Variants in PTPRB observed in about 807,000 individuals in gnomAD.
PTPRB encodes the protein receptor-type tyrosine-protein phosphatase beta.
A neutral mutation model predicts 238.1 loss-of-function variants in PTPRB; 97 were observed. The ratio of observed to expected loss-of-function variants is 0.41; its 90% CI spans 0.35 to 0.48. The LOEUF (loss-of-function observed/expected upper bound fraction) is 0.48, where lower values mean the gene tolerates loss of function less well. PTPRB is among the 20% of genes least tolerant of loss of function. The probability of loss-of-function intolerance (pLI) is 0.30; values close to 1 mark genes in which losing one functional copy is unlikely to be tolerated. For synonymous variants in PTPRB, 970 were observed against 995.4 expected (o/e 0.97, Z 0.48); for missense variants, 2,292 against 2,681.9 (o/e 0.85, Z 3.21).
intron 4 of PTPRB, among the ~76,000 whole-genome samples, chr12:70,600,665 GT>G (rs902632065): frequency 1.3e-5 from 2 of 151,792 alleles, no homozygotes; most frequent in African/African-American, 4.8e-5. Flanking sequence ...CCTTCATTTT[GT>G]GTTGGATTAC....
chr12:70,538,753 C>T, intron 27 of PTPRB, 171 bp downstream of exon 27: 1 of 616,754 alleles, frequency 1.6e-6, no homozygotes. Context: ...GCTATTATCC[C>T]TCTGGAGGGA....
At chr12:70,570,460 C>T (rs1350600204) in intron 13 of PTPRB, among the ~76,000 whole-genome samples, 1 of 152,108 alleles carries the variant, frequency 6.6e-6, no homozygotes, top group African/African-American at 2.4e-5. Flanking sequence ...GATTCTCCCA[C>T]CTCAGCCTCC....
intron 9 of PTPRB, among the ~76,000 whole-genome samples, chr12:70,583,349 TTGTCAGGAA>T (rs1464839481): frequency 1.3e-5 from 2 of 152,092 alleles, no homozygotes; most frequent in African/African-American, 4.8e-5. Context: ...AATGAATGAC[TTGTCAGGAA>T]TGTAAGAGAT....
At chr12:70,531,523 C>A in intron 32 of PTPRB, among the ~76,000 whole-genome samples, 1 of 152,182 alleles carries the variant, frequency 6.6e-6, no homozygotes, top group East Asian at 1.9e-4. Context: ...TCAGCCACTT[C>A]ATGGCTGTGG....
At chr12:70,592,598 C>A in intron 6 of PTPRB, 53 bp from the exon 7 acceptor site, 1 of 1,551,780 alleles carries the variant, frequency 6.4e-7, no homozygotes. Context: ...CTCACAAGTC[C>A]TATGGCCAAA....
In PTPRB at chr12:70,566,712, G is replaced by A; in HGVS notation, c.3635-8C>T. On this transcript the variant is annotated splice_polypyrimidine_tract_variant and splice_region_variant and intron_variant, in intron 14 of 33. Coordinates refer to ENST00000334414, the MANE Select transcript of PTPRB (RefSeq NM_001109754.4). ...CTTGGACAGATGCTGGAACTGCAGAGAGACAAGTGGAGCAACAAAATACAG... is the reference window on the plus strand; with the variant it reads ...CTTGGACAGATGCTGGAACTGCAGAAAGACAAGTGGAGCAACAAAATACAG... 6 of 1,608,218 alleles carry A rather than the reference G, an allele frequency of 3.7e-6. No homozygotes were observed. The highest frequency in any genetic ancestry group is 5.1e-6 in the Non-Finnish European group (6 of 1,176,196).
In PTPRB at chr12:70,562,304, G is replaced by C. The variant is rs376705647; in HGVS notation, c.4168+540C>G. 1.5e-4 allele frequency among the ~76,000 whole-genome samples: 22 copies of C among 150,508 alleles called. No homozygotes were observed. The East Asian group carries it at 3.5e-3, about 24-fold the overall frequency. On this transcript the variant is annotated intron_variant, in intron 16 of 33. Coordinates refer to ENST00000334414, the MANE Select transcript of PTPRB (RefSeq NM_001109754.4). Reference sequence around the variant, plus strand: ...GTCCCCCCCCAAAACATTTTTTTTTGAACAGGAGATAAAGGACTCAAATTA... The same window carrying C: ...GTCCCCCCCCAAAACATTTTTTTTTCAACAGGAGATAAAGGACTCAAATTA...
chr12:70,594,280 G>C (rs1882780992), intron 6 of PTPRB, among the ~76,000 whole-genome samples, 187 bp downstream of exon 6: 1 of 152,178 alleles, frequency 6.6e-6, no homozygotes, highest in Non-Finnish European at 1.5e-5. Context: ...GTTGCCAAGG[G>C]CTAGCCTAAA....
intron 12 of PTPRB, 102 bp downstream of exon 12, chr12:70,571,722 G>A (rs999953738): frequency 7.0e-6 from 9 of 1,283,388 alleles, no homozygotes; most frequent in African/African-American, 4.5e-5. Context: ...TACTGGGAAT[G>A]TAATGTACTA....
chr12:70,578,935 T>C (rs1881077369), intron 10 of PTPRB, among the ~76,000 whole-genome samples: 1 of 152,122 alleles, frequency 6.6e-6, no homozygotes, highest in South Asian at 2.1e-4. Context: ...TACTCCCAAG[T>C]CTGATGAGTT....
rs755195422 is a variant in PTPRB, at chr12:70,520,250, G to A, written c.*1239C>T. On this transcript the variant is annotated 3_prime_UTR_variant, in exon 34 of 34. Coordinates refer to ENST00000334414, the MANE Select transcript of PTPRB (RefSeq NM_001109754.4). ...GAAGGAAATACTTTCTGACTCATTG[G>A]AATTTGTTATAGTCAAAGTAAGTAA... is the stretch of plus-strand genomic sequence containing the variant. 17 of 467,100 alleles carry A rather than the reference G, an allele frequency of 3.6e-5. No individual in the cohort carries two copies. The East Asian group carries it at 9.9e-4, about 27-fold the overall frequency. The allele number at this position is 467,100 out of a possible 1,614,324, so 28.9% of individuals were successfully genotyped here.
intron 2 of PTPRB, among the ~76,000 whole-genome samples, chr12:70,633,724 T>C (rs1885559283): frequency 6.6e-6 from 1 of 152,204 alleles, no homozygotes; most frequent in Non-Finnish European, 1.5e-5. Flanking sequence ...TTATTCTAGT[T>C]ACCTTATTTT....
Position 70,559,555 on chromosome 12 carries a change from C to T in PTPRB, c.4502G>A (p.Gly1501Glu), listed in dbSNP as rs1194169782. 10 of 1,613,692 alleles carry T rather than the reference C, an allele frequency of 6.2e-6. No homozygotes were observed. Among genetic ancestry groups the T allele is most frequent in the South Asian group, 2.2e-5 (2 of 91,076 alleles). The change falls in exon 18 of 34, where the codon GGG becomes GAG. Residue 1501 changes from glycine (G) to glutamate (E), a missense_variant. Transcript: ENST00000334414. ...GTTGTAGTCTGTCCAGTCTGGGGGCCCTTTCCACGTGATGGCCAAGGATGT... is the reference window on the plus strand; with the variant it reads ...GTTGTAGTCTGTCCAGTCTGGGGGCTCTTTCCACGTGATGGCCAAGGATGT... Reference protein sequence around the residue: ...ANTSLAITWKGPPDWTDYNDF... With the variant: ...ANTSLAITWKEPPDWTDYNDF...
Position 70,635,691 on chromosome 12 carries a change from T to C in PTPRB, c.431A>G (p.Glu144Gly). Reference protein sequence around the residue: ...DVNKEGKLVNESLCLQKAGLG... With the variant: ...DVNKEGKLVNGSLCLQKAGLG... ...CTCACCTTTTTGTAAACAGAGGCTT[T>C]CATTGACCAGTTTTCCCTCCTTGTT... is the stretch of plus-strand genomic sequence containing the variant. Residue 144 changes from glutamate to glycine, a missense_variant, in exon 2 of 34, where the codon GAA becomes GGA. Glu to Gly is a moderately conservative substitution (Grantham distance 98). Coordinates refer to ENST00000334414, the MANE Select transcript of PTPRB (RefSeq NM_001109754.4). The C allele has an allele frequency of 6.2e-7, 1 of 1,613,802 alleles. No individual in the cohort carries two copies. Among genetic ancestry groups the C allele is most frequent in the South Asian group, 1.1e-5 (1 of 91,074 alleles).
chr12:70,601,112 C>T (rs907298795), intron 4 of PTPRB, among the ~76,000 whole-genome samples: 1 of 152,048 alleles, frequency 6.6e-6, no homozygotes, highest in Non-Finnish European at 1.5e-5. Context: ...GTGATCCACC[C>T]GCCTTGGACT....
At chr12:70,542,163 C>G (rs527571908) in intron 22 of PTPRB, 6 of 152,158 alleles carry the variant, frequency 3.9e-5, no homozygotes, top group African/African-American at 1.4e-4. Context: ...GTGGTATCTT[C>G]TTGTGATTTT....
At chr12:70,626,366 T>C (rs879603160) in intron 2 of PTPRB, among the ~76,000 whole-genome samples, 284 of 105,912 alleles carry the variant, frequency 2.7e-3, no homozygotes, top group Non-Finnish European at 3.2e-3. Context: ...TATCTATCTA[T>C]ATTCCTGCCT....
intron 3 of PTPRB, among the ~76,000 whole-genome samples, chr12:70,619,272 A>G (rs17108407): frequency 0.054 from 8,109 of 150,976 alleles, 715 homozygotes; most frequent in African/African-American, 0.19. Context: ...GGTATCTATA[A>G]AACAGAGATA....
At chr12:70,564,010 A>G (rs1350369466) in intron 15 of PTPRB, among the ~76,000 whole-genome samples, 1 of 151,870 alleles carries the variant, frequency 6.6e-6, no homozygotes, top group East Asian at 1.9e-4. Flanking sequence ...CTGCATCCCC[A>G]CCACTCATCC....
Sources: gnomAD v4.1 joint callset for allele counts (sites outside exome capture counted in the v4.1 genomes callset) on GRCh38, gnomAD v4.1.1 for gene constraint, MANE v1.5 for transcripts, NCBI Gene and HGNC (gene_info 2026-07-23, HGNC 2026-07-21) for gene names.